MED28: variants seen among roughly 807,000 people sequenced by gnomAD.
The protein encoded by MED28 is mediator of RNA polymerase II transcription subunit 28.
In MED28, 26 loss-of-function variants were observed where a neutral mutation model predicts 21.3. The observed-to-expected ratio is 1.22, with a 90% CI of 0.89 to 1.69. MED28 has a LOEUF of 1.69. Among genes scored for constraint, MED28 ranks in the 40% most tolerant of loss-of-function variants. MED28 has a pLI of 0.00. For missense variants in MED28, 257 were observed against 215.4 expected (o/e 1.19, Z -1.21); for synonymous variants, 110 against 87.6 (o/e 1.26, Z -1.43).
At chr4:17,619,529 GA>G (rs1714556435) in intron 1 of MED28, among the ~76,000 whole-genome samples, 1 of 152,170 alleles carries the variant, frequency 6.6e-6, no homozygotes, top group Non-Finnish European at 1.5e-5. Flanking sequence ...TGCTGTCTCT[GA>G]GGGGGAGAAG....
intron 2 of MED28, among the ~76,000 whole-genome samples, chr4:17,620,836 G>A (rs937967772): frequency 6.6e-6 from 1 of 151,560 alleles, no homozygotes. Flanking sequence ...CCAGTAGCTG[G>A]GACCACAGTG....
intron 1 of MED28, among the ~76,000 whole-genome samples, chr4:17,616,130 A>T (rs1048104850): frequency 6.6e-6 from 1 of 151,626 alleles, no homozygotes; most frequent in Non-Finnish European, 1.5e-5. Context: ...TATTTTTTTT[A>T]TTTTTTAGTA....
At position 17,633,819 on chromosome 4, in the gene MED28, A is replaced by C; in HGVS notation, c.*10021A>C. 1.3e-6 allele frequency: 2 copies of C among 1,551,602 alleles called. No homozygotes were observed. The highest frequency in any genetic ancestry group is 1.7e-6 in the Non-Finnish European group (2 of 1,146,972). Reference sequence around the variant, plus strand: ...CTGGAACTCAGATCGCCACTCAGAAAGTTCTTTGCATAGGAGGCGAGGTTC... The same window carrying C: ...CTGGAACTCAGATCGCCACTCAGAACGTTCTTTGCATAGGAGGCGAGGTTC... On this transcript the variant is annotated 3_prime_UTR_variant, in exon 4 of 4. Transcript: ENST00000237380.
chr4:17,621,588 T>C lies in MED28; in HGVS notation c.228T>C (p.Gly76=). The part of the protein sequence containing the change: ...NGTDQEEIRT[G]VDQCIQKFLD... ...TAATTTTGTTCCTTTTTTTTTAAGG[T>C]GTTGATCAGTGTATCCAGAAGTTTC... Residue 76 remains glycine, a splice_region_variant and synonymous_variant, in exon 3 of 4, where the codon GGT becomes GGC. Coordinates refer to ENST00000237380, the MANE Select transcript of MED28 (RefSeq NM_025205.5). The C allele has an allele frequency of 6.4e-7, 1 of 1,564,386 alleles. No individual in the cohort carries two copies. Among genetic ancestry groups the C allele is most frequent in the Non-Finnish European group, 8.6e-7 (1 of 1,157,704 alleles).
chr4:17,633,911 T>TAGTGC lies in MED28; in HGVS notation c.*10115_*10119dup. On this transcript the variant is annotated 3_prime_UTR_variant, in exon 4 of 4. Transcript: ENST00000237380. Reference sequence around the variant, plus strand: ...TTTCTGTTTGTATTAATGGACAGGTTAGTGCAATGCAATGCAAAAAACAAA... The same window carrying TAGTGC: ...TTTCTGTTTGTATTAATGGACAGGTTAGTGCAGTGCAATGCAATGCAAAAAACAAA... 1 of 1,473,098 alleles carries TAGTGC rather than the reference T, an allele frequency of 6.8e-7. No individual in the cohort carries two copies. Among genetic ancestry groups the TAGTGC allele is most frequent in the Non-Finnish European group, 9.0e-7 (1 of 1,105,652 alleles). 91.3% of individuals were successfully genotyped at this position (1,473,098 alleles called of 1,614,324 possible).
chr4:17,617,884 C>T (rs1414446248), intron 1 of MED28, among the ~76,000 whole-genome samples: 1 of 151,596 alleles, frequency 6.6e-6, no homozygotes, highest in East Asian at 1.9e-4. Flanking sequence ...CTAGCCTGGG[C>T]AATAGAGTGA....
intron 1 of MED28, among the ~76,000 whole-genome samples, chr4:17,618,525 C>A (rs558642797): frequency 1.3e-5 from 2 of 151,728 alleles, no homozygotes; most frequent in Admixed American, 6.6e-5. Context: ...AGTCAACTTT[C>A]GTTTTTTTTG....
At chr4:17,623,418 C>T (rs1218004395) in intron 3 of MED28, among the ~76,000 whole-genome samples, 183 bp from the exon 4 acceptor site, 1 of 148,416 alleles carries the variant, frequency 6.7e-6, no homozygotes, top group Non-Finnish European at 1.5e-5. Context: ...AAAAAAAAGC[C>T]CATAAAAACT....
chr4:17,614,736 T>C lies in MED28; in HGVS notation c.82T>C (p.Ser28Pro). The stretch of plus-strand genomic sequence containing the variant: ...CCCGCCGGGCCTTCCGGGCCAAGCT[T>C]CGCTTCTTCAGGCAGCTCCAGGCGC... ...QAPPGLPGQASLLQAAPGAPR... is the reference protein window; with the variant it reads ...QAPPGLPGQAPLLQAAPGAPR... The change falls in exon 1 of 4, where the codon TCG becomes CCG. Residue 28 changes from serine (S) to proline (P), a missense_variant. Physicochemically the swap from Ser to Pro is moderately conservative, Grantham distance 74 (BLOSUM62 -1). Transcript: ENST00000237380. 6.2e-7 allele frequency: 1 copy of C among 1,614,246 alleles called. No homozygotes were observed.
rs35006025 is a variant in MED28, at chr4:17,625,707, CTT to C, written c.*1913_*1914del. 1 of 444,758 alleles carries C rather than the reference CTT, an allele frequency of 2.2e-6. No individual in the cohort carries two copies. Among genetic ancestry groups the C allele is most frequent in the Non-Finnish European group, 4.5e-6 (1 of 223,774 alleles). The allele number at this position is 444,758 out of a possible 1,614,324, so 27.6% of individuals were successfully genotyped here. A position where few individuals can be genotyped will look rare whatever the true frequency, so the allele number is the denominator to read the frequency against. On this transcript the variant is annotated 3_prime_UTR_variant, in exon 4 of 4. Coordinates refer to ENST00000237380, the MANE Select transcript of MED28 (RefSeq NM_025205.5). ...TCTAAGAAACCCTCTGAGCTGCTAACTTTTTCAGGGAGAAAATCACAAGCCAT... is the reference window on the plus strand; with the variant it reads ...TCTAAGAAACCCTCTGAGCTGCTAACTTTCAGGGAGAAAATCACAAGCCAT...
At chr4:17,621,509 C>T (rs1714631509) in intron 2 of MED28, 78 bp from the exon 3 acceptor site, 1 of 972,862 alleles carries the variant, frequency 1.0e-6, no homozygotes, top group Non-Finnish European at 1.5e-6. Context: ...TTTTTACATT[C>T]TGATTATTCA....
chr4:17,623,228 G>A (rs948390207), intron 3 of MED28, among the ~76,000 whole-genome samples: 2 of 151,866 alleles, frequency 1.3e-5, no homozygotes, highest in African/African-American at 4.8e-5. Context: ...TGGCAAAACC[G>A]CATCTCTACT....
intron 1 of MED28, among the ~76,000 whole-genome samples, chr4:17,618,112 A>G (rs1400328300): frequency 6.6e-6 from 1 of 150,500 alleles, no homozygotes; most frequent in Non-Finnish European, 1.5e-5. Context: ...CCTGGGCTCA[A>G]GTGGTCCTCT....
chr4:17,629,027 CAGG>C lies in MED28; in HGVS notation c.*5232_*5234del, dbSNP rs889885379. 1 of 152,348 alleles carries C rather than the reference CAGG, an allele frequency of 6.6e-6. No individual in the cohort carries two copies. Among genetic ancestry groups the C allele is most frequent in the Non-Finnish European group, 1.5e-5 (1 of 68,210 alleles). 9.4% of individuals were successfully genotyped at this position (152,348 alleles called of 1,614,324 possible). A position where few individuals can be genotyped will look rare whatever the true frequency, so the allele number is the denominator to read the frequency against. On this transcript the variant is annotated 3_prime_UTR_variant, in exon 4 of 4. Coordinates refer to ENST00000237380, the MANE Select transcript of MED28 (RefSeq NM_025205.5). Reference sequence around the variant, plus strand: ...TTATCTTGGAGGATCACTTTGAGGTCAGGAGTTCATGACCAGCCTGGCCAACAT... The same window carrying C: ...TTATCTTGGAGGATCACTTTGAGGTCAGTTCATGACCAGCCTGGCCAACAT...
Position 17,632,163 on chromosome 4 carries a change from C to T in MED28, c.*8365C>T, listed in dbSNP as rs1019253728. ...GAACTTGGCTCACTGCAACCTCTGC[C>T]TCCTAGGTTCAAGTGATCCTCCCGC... On this transcript the variant is annotated 3_prime_UTR_variant, in exon 4 of 4. Coordinates refer to ENST00000237380, the MANE Select transcript of MED28 (RefSeq NM_025205.5). 6.8e-6 allele frequency: 1 copy of T among 146,226 alleles called. No homozygotes were observed. Among genetic ancestry groups the T allele is most frequent in the Admixed American group, 7.1e-5 (1 of 14,066 alleles). 9.1% of individuals were successfully genotyped at this position (146,226 alleles called of 1,614,324 possible).
At chr4:17,621,115 A>G (rs1250771942) in intron 2 of MED28, among the ~76,000 whole-genome samples, 2 of 150,136 alleles carry the variant, frequency 1.3e-5, no homozygotes, top group East Asian at 4.0e-4. Flanking sequence ...CCCTGGTTCA[A>G]GCGATCCTTC....
In MED28 at chr4:17,625,903, T is replaced by G. The variant is rs539351932; in HGVS notation, c.*2105T>G. ...AGGTCTGCCCACAGGCTTCAGGCTT[T>G]CAACTTTGAAACAAACATCTGTGCC... is the stretch of plus-strand genomic sequence containing the variant. On this transcript the variant is annotated 3_prime_UTR_variant, in exon 4 of 4. Coordinates refer to ENST00000237380, the MANE Select transcript of MED28 (RefSeq NM_025205.5). 1 of 197,812 alleles carries G rather than the reference T, an allele frequency of 5.1e-6. No homozygotes were observed. The highest frequency in any genetic ancestry group is 6.0e-5 in the Admixed American group (1 of 16,664). 12.3% of individuals were successfully genotyped at this position (197,812 alleles called of 1,614,324 possible). A position where few individuals can be genotyped will look rare whatever the true frequency, so the allele number is the denominator to read the frequency against.
chr4:17,620,047 C>CA (rs1714573552), intron 2 of MED28, 80 bp downstream of exon 2: 2 of 1,253,336 alleles, frequency 1.6e-6, no homozygotes, highest in African/African-American at 3.0e-5. Flanking sequence ...TCATGTGTTT[C>CA]AGTCCTGCTT....
intron 1 of MED28, among the ~76,000 whole-genome samples, chr4:17,619,197 C>T (rs1394792399): frequency 6.6e-6 from 1 of 152,194 alleles, no homozygotes; most frequent in Admixed American, 6.5e-5. Context: ...TTGGCTGATT[C>T]ACATTTGCAT....
Sources: gnomAD v4.1 joint callset for allele counts (sites outside exome capture counted in the v4.1 genomes callset) on GRCh38, gnomAD v4.1.1 for gene constraint, MANE v1.5 for transcripts, NCBI Gene and HGNC (gene_info 2026-07-23, HGNC 2026-07-21) for gene names.